EPB41L1: variants seen among roughly 807,000 people sequenced by gnomAD.
EPB41L1 encodes erythrocyte membrane protein band 4.1 like 1.
A neutral mutation model predicts 97.8 loss-of-function variants in EPB41L1; 29 were observed. That is an observed-to-expected ratio of 0.30 (90% CI 0.22 to 0.40). The LOEUF (loss-of-function observed/expected upper bound fraction) is 0.40. EPB41L1 is among the 10% of genes least tolerant of loss of function. The pLI is 1.00. For synonymous variants in EPB41L1, 383 were observed against 459.2 expected (o/e 0.83, Z 2.12); for missense variants, 812 against 1,162.3 (o/e 0.70, Z 4.38).
chr20:36,189,656 G>T (rs1252022850), intron 9 of EPB41L1, among the ~76,000 whole-genome samples: 1 of 152,182 alleles, frequency 6.6e-6, no homozygotes, highest in Non-Finnish European at 1.5e-5. Flanking sequence ...GATGACAGGA[G>T]CCCCTATGCC....
At chr20:36,226,313 G>A (rs187210577) in intron 21 of EPB41L1, among the ~76,000 whole-genome samples, 214 of 152,230 alleles carry the variant, frequency 1.4e-3, no homozygotes, top group Admixed American at 0.012. Context: ...ATGATTCCTC[G>A]TCAGCCAAAT....
rs1410845038 is a variant in EPB41L1 at position 36,209,613 on chromosome 20, C to T, written c.1794C>T (p.His598=). ...ERDTVFLKDN[H]LAIERKCSSI... ...ACACGGTGTTCCTGAAGGACAACCA[C>T]CTGGCCATTGAGCGCAAGTGCTCCA... Residue 598 remains histidine, a synonymous_variant, in exon 15 of 22, where the codon CAC becomes CAT. Coordinates refer to ENST00000338074, the MANE Select transcript of EPB41L1 (RefSeq NM_012156.2). This position sits in a 1 kb window ranked among gnomAD's most constrained non-coding sequence, Gnocchi z 4.2. 1.2e-6 allele frequency: 2 copies of T among 1,614,078 alleles called. No homozygotes were observed. Among genetic ancestry groups the T allele is most frequent in the Non-Finnish European group, 1.7e-6 (2 of 1,180,058 alleles).
chr20:36,129,561 C>G (rs1043002316), intron 2 of EPB41L1, among the ~76,000 whole-genome samples: 1 of 152,022 alleles, frequency 6.6e-6, no homozygotes, highest in Non-Finnish European at 1.5e-5. Context: ...TGACCCCAGG[C>G]TCACTGCTCC....
At chr20:36,152,578 C>G (rs1054652110), upstream of EPB41L1, 1 of 191,644 alleles carries the variant, frequency 5.2e-6, no homozygotes, top group Non-Finnish European at 1.1e-5. Context: ...GCTCAGCCAG[C>G]AGGGGAGACT....
At chr20:36,099,427 C>G (rs781677908) in intron 1 of EPB41L1, among the ~76,000 whole-genome samples, 10 of 152,138 alleles carry the variant, frequency 6.6e-5, no homozygotes, top group African/African-American at 2.4e-4. Context: ...CACCAAATTG[C>G]GATCCCAGGA....
intron 21 of EPB41L1, 24 bp from the exon 22 acceptor site, chr20:36,229,308 C>G: frequency 3.6e-6 from 5 of 1,378,546 alleles, no homozygotes; most frequent in Non-Finnish European, 5.0e-6. Flanking sequence ...ACCCCCCATT[C>G]TACCCCATGC....
At chr20:36,157,777 C>T (rs1016667480) in intron 1 of EPB41L1, among the ~76,000 whole-genome samples, 1 of 152,202 alleles carries the variant, frequency 6.6e-6, no homozygotes, top group Non-Finnish European at 1.5e-5. Flanking sequence ...CACCAGACTC[C>T]CTGCTCCCAT....
At chr20:36,130,407 G>T (rs531170765) in intron 2 of EPB41L1, among the ~76,000 whole-genome samples, 1 of 152,124 alleles carries the variant, frequency 6.6e-6, no homozygotes, top group East Asian at 1.9e-4. Flanking sequence ...AATTTCTACC[G>T]CATCATCAGT....
Position 36,190,406 on chromosome 20 carries a change from T to C in EPB41L1, c.1124+32T>C, listed in dbSNP as rs1019742111. ...CTGACCTTGGATGGGGTAATGGGGA[T>C]GGGGCAGAGGCCATGTGTATGGAGG... On this transcript the variant is annotated intron_variant, in intron 10 of 21. Coordinates refer to ENST00000338074, the MANE Select transcript of EPB41L1 (RefSeq NM_012156.2). This position sits in a 1 kb window ranked among gnomAD's most constrained non-coding sequence, Gnocchi z 5.8. 6.2e-6 allele frequency: 10 copies of C among 1,607,606 alleles called. No homozygotes were observed. Among genetic ancestry groups the C allele is most frequent in the Non-Finnish European group, 8.5e-6 (10 of 1,175,418 alleles).
Position 36,206,753 on chromosome 20 carries a change from A to T in EPB41L1, c.1669-2735A>T, listed in dbSNP as rs973060582. ...TTTGCTGAAGGCTGGGAAGATGCCC[A>T]GTGGGGAGTGGAAGGAGAGTTTCCC... On this transcript the variant is annotated intron_variant, in intron 14 of 21. Coordinates refer to ENST00000338074, the MANE Select transcript of EPB41L1 (RefSeq NM_012156.2). The surrounding 1 kb of genome is among the most constrained non-coding windows in gnomAD (Gnocchi z 5.5). 2 of 1,289,748 alleles carry T rather than the reference A, an allele frequency of 1.6e-6. No homozygotes were observed. Among genetic ancestry groups the T allele is most frequent in the African/African-American group, 3.0e-5 (2 of 65,870 alleles). 79.9% of individuals were successfully genotyped at this position (1,289,748 alleles called of 1,614,324 possible). A position where few individuals can be genotyped will look rare whatever the true frequency, so the allele number is the denominator to read the frequency against.
intron 2 of EPB41L1, among the ~76,000 whole-genome samples, chr20:36,146,694 G>T (rs2059846181): frequency 6.6e-6 from 1 of 152,208 alleles, no homozygotes; most frequent in Admixed American, 6.5e-5. Context: ...TGAAGTGCTG[G>T]CTGGGTGGAG....
At chr20:36,157,213 A>G (rs545176474) in intron 1 of EPB41L1, among the ~76,000 whole-genome samples, 1 of 151,368 alleles carries the variant, frequency 6.6e-6, no homozygotes, top group African/African-American at 2.4e-5. Flanking sequence ...ACAGAGCGAG[A>G]CTCCCTCTCA....
At position 36,222,906 on chromosome 20, in the gene EPB41L1, ATATTTT is replaced by A. The variant is rs1427736058; in HGVS notation, c.2637+514_2637+519del. 7.4e-4 allele frequency among the ~76,000 whole-genome samples: 112 copies of A among 152,048 alleles called. 1 individual carries two copies. The highest frequency in any genetic ancestry group is 2.5e-3 in the African/African-American group (105 of 41,490). On this transcript the variant is annotated intron_variant, in intron 21 of 21. Coordinates refer to ENST00000338074, the MANE Select transcript of EPB41L1 (RefSeq NM_012156.2). ...TTTGTCTTGCTTGATTGCAATTTTT[ATATTTT>A]TTGAGATGGAGTCTTGCTCTGTCAC...
chr20:36,108,266 C>T (rs1449131969), intron 1 of EPB41L1, among the ~76,000 whole-genome samples: 1 of 152,130 alleles, frequency 6.6e-6, no homozygotes, highest in African/African-American at 2.4e-5. Context: ...AGGCATGAAC[C>T]ACCGTGCTGG....
At chr20:36,205,300 C>T (rs532721314) in intron 14 of EPB41L1, among the ~76,000 whole-genome samples, 2 of 152,274 alleles carry the variant, frequency 1.3e-5, no homozygotes, top group East Asian at 3.9e-4. Flanking sequence ...CAAAGATCTC[C>T]GGCCTCAAAA....
intron 1 of EPB41L1, among the ~76,000 whole-genome samples, chr20:36,161,582 TCTC>T (rs1452183057): frequency 3.3e-5 from 5 of 149,930 alleles, no homozygotes; most frequent in African/African-American, 1.2e-4. Context: ...TTCAAGCAAT[TCTC>T]CTGCCTTGGC....
chr20:36,218,577 A>G (rs1390726491), intron 17 of EPB41L1, among the ~76,000 whole-genome samples: 1 of 152,200 alleles, frequency 6.6e-6, no homozygotes, highest in Non-Finnish European at 1.5e-5. Flanking sequence ...TGAATCTGGC[A>G]ACTCCTCTGC....
At chr20:36,176,729 T>C (rs1387928683) in intron 3 of EPB41L1, among the ~76,000 whole-genome samples, 3 of 151,608 alleles carry the variant, frequency 2.0e-5, no homozygotes, top group Non-Finnish European at 4.4e-5. Flanking sequence ...TCTCCCAGGT[T>C]CAAGCAGTTC....
rs942059541 is a variant in EPB41L1 at position 36,207,045 on chromosome 20, C to G, written c.1669-2443C>G. On this transcript the variant is annotated intron_variant, in intron 14 of 21. Transcript: ENST00000338074. This position sits in a 1 kb window ranked among gnomAD's most constrained non-coding sequence, Gnocchi z 4.9. ...AAGGAGGGGCTGAGCTGAAGGACCG[C>G]GAGGCTTCAGCATTTCTTCACATGG... is the stretch of plus-strand genomic sequence containing the variant. 5.4e-6 allele frequency: 7 copies of G among 1,289,692 alleles called. No homozygotes were observed. In the Admixed American group the frequency reaches 1.6e-4, roughly 30 times the overall value. The allele number at this position is 1,289,692 out of a possible 1,614,324, so 79.9% of individuals were successfully genotyped here.
Sources: gnomAD v4.1 joint callset for allele counts (sites outside exome capture counted in the v4.1 genomes callset) on GRCh38, gnomAD v4.1.1 for gene constraint, Gnocchi (gnomAD v3.1) non-coding constraint, MANE v1.5 for transcripts, NCBI Gene and HGNC (gene_info 2026-07-23, HGNC 2026-07-21) for gene names.